Variants in GDAP1 observed in about 807,000 individuals in gnomAD.
The protein encoded by GDAP1 is ganglioside induced differentiation associated protein 1.
In GDAP1, 34 loss-of-function variants were observed where a neutral mutation model predicts 40.1. That is an observed-to-expected ratio of 0.85 (90% confidence interval 0.64 to 1.13). GDAP1 has a LOEUF of 1.13. Ranked by LOEUF, GDAP1 falls within the 50% of genes most tolerant of loss-of-function variation. GDAP1 has a pLI of 0.00. For synonymous variants in GDAP1, 170 were observed against 157.4 expected (o/e 1.08, Z -0.60); for missense variants, 374 against 433.7 (o/e 0.86, Z 1.22).
At chr8:74,483,066 C>G (rs953051833) in intron 2 of GDAP1, among the ~76,000 whole-genome samples, 2 of 152,076 alleles carry the variant, frequency 1.3e-5, no homozygotes, top group Admixed American at 1.3e-4. Context: ...AAACTCTGTT[C>G]TACTTTATGA....
At position 74,486,618 on chromosome 8, in the gene GDAP1, T is replaced by C. The variant is rs146336804; in HGVS notation, c.166-2060T>C. On this transcript the variant is annotated intron_variant, in intron 2 of 2. Transcript: ENST00000523640. ...GTTCTTCTTGAGGCTGAAGCACTGT[T>C]GGGAGTTATGAAGCACAGTGGCTTC... Among the ~76,000 whole-genome samples, 637 of 152,300 alleles carry C rather than the reference T, an allele frequency of 4.2e-3. 6 individuals are homozygous for C. The highest frequency in any genetic ancestry group is 0.015 in the African/African-American group (604 of 41,566).
chr8:74,458,861 C>CAGCTATGGTAG (rs113977487), intron 2 of GDAP1, among the ~76,000 whole-genome samples: 152,091 of 152,190 alleles, frequency 1, 75,996 homozygotes, highest in Middle Eastern at 1. Context: ...GCACACACAC[C>CAGCTATGGTAG]AGGTGGGGAT....
In GDAP1 at chr8:74,361,976, A is replaced by T. The variant is rs1085307665; in HGVS notation, c.577A>T (p.Lys193Ter). ...ATACATTGCAAAACAGAAACGACTT[A>T]AAGTAAGCCAATCAGCTGTCCTCAG... ...EAYIAKQKRL[K>*]SKLLDHDNVK... Residue 193 changes from lysine to a stop codon, truncating the protein, a stop_gained and splice_region_variant, in exon 4 of 6, where the codon AAA becomes TAA. Coordinates refer to ENST00000220822, the MANE Select transcript of GDAP1 (RefSeq NM_018972.4). LOFTEE classifies it high-confidence loss of function. 1.3e-6 allele frequency: 2 copies of T among 1,545,726 alleles called. No individual in the cohort carries two copies. Among genetic ancestry groups the T allele is most frequent in the Non-Finnish European group, 8.9e-7 (1 of 1,119,760 alleles).
chr8:74,415,561 G>A (rs1249843892), intron 2 of GDAP1, among the ~76,000 whole-genome samples: 6 of 150,218 alleles, frequency 4.0e-5, no homozygotes, highest in Non-Finnish European at 7.4e-5. Context: ...GTGTGAGTGG[G>A]GGATAAACTG....
intron 2 of GDAP1, among the ~76,000 whole-genome samples, chr8:74,438,876 A>G (rs1230739326): frequency 6.6e-6 from 1 of 152,234 alleles, no homozygotes; most frequent in Non-Finnish European, 1.5e-5. Context: ...TGTTAAGATT[A>G]CAGGCATGAG....
intron 2 of GDAP1, among the ~76,000 whole-genome samples, chr8:74,436,886 A>G (rs1033065430): frequency 1.3e-5 from 2 of 152,208 alleles, no homozygotes; most frequent in East Asian, 1.9e-4. Context: ...AAATTTTTCA[A>G]AAAGTAAAGG....
chr8:74,352,896 A>G (rs1380429022), intron 2 of GDAP1, among the ~76,000 whole-genome samples: 1 of 152,188 alleles, frequency 6.6e-6, no homozygotes, highest in African/African-American at 2.4e-5. Context: ...AAACTTTAAA[A>G]AGGTATTCTA....
At chr8:74,425,392 A>T (rs905740970) in intron 2 of GDAP1, among the ~76,000 whole-genome samples, 4 of 152,212 alleles carry the variant, frequency 2.6e-5, no homozygotes, top group African/African-American at 9.6e-5. Flanking sequence ...TTTAACCAGA[A>T]GTATTCTGTA....
At chr8:74,355,914 A>G (rs1389983743) in intron 2 of GDAP1, among the ~76,000 whole-genome samples, 1 of 152,146 alleles carries the variant, frequency 6.6e-6, no homozygotes, top group Non-Finnish European at 1.5e-5. Flanking sequence ...TTATTAGGAT[A>G]TCTAAATTTA....
At chr8:74,391,980 A>T (rs1586819433) in intron 2 of GDAP1, among the ~76,000 whole-genome samples, 1 of 152,162 alleles carries the variant, frequency 6.6e-6, no homozygotes, top group East Asian at 1.9e-4. Flanking sequence ...CACCATGCCC[A>T]GCAAATTTTT....
At chr8:74,377,778 C>G (rs1809881890) in intron 2 of GDAP1, among the ~76,000 whole-genome samples, 1 of 152,144 alleles carries the variant, frequency 6.6e-6, no homozygotes, top group Admixed American at 6.5e-5. Context: ...AGGTATTTAT[C>G]CCAAAGAAAT....
intron 2 of GDAP1, among the ~76,000 whole-genome samples, chr8:74,375,692 G>T (rs1459489003): frequency 1.3e-5 from 2 of 152,170 alleles, no homozygotes; most frequent in East Asian, 3.8e-4. Flanking sequence ...AATGGTGAAA[G>T]ACTGAAGTTT....
chr8:74,372,218 G>T (rs1042183368), intron 2 of GDAP1, among the ~76,000 whole-genome samples: 1 of 152,044 alleles, frequency 6.6e-6, no homozygotes, highest in Non-Finnish European at 1.5e-5. Flanking sequence ...GAATAGTGCC[G>T]CAATAAACAT....
intron 2 of GDAP1, among the ~76,000 whole-genome samples, chr8:74,358,057 AAG>A (rs1425173729): frequency 1.3e-5 from 2 of 152,202 alleles, no homozygotes; most frequent in African/African-American, 2.4e-5. Flanking sequence ...CGCACAAAGA[AAG>A]AGAGATGGGG....
At chr8:74,436,583 T>C (rs1806091526) in intron 2 of GDAP1, among the ~76,000 whole-genome samples, 1 of 151,910 alleles carries the variant, frequency 6.6e-6, no homozygotes, top group Non-Finnish European at 1.5e-5. Context: ...CCACCACAGC[T>C]GGCTAATTTT....
At chr8:74,416,808 G>A (rs1392766924) in intron 2 of GDAP1, among the ~76,000 whole-genome samples, 1 of 149,954 alleles carries the variant, frequency 6.7e-6, no homozygotes, top group African/African-American at 2.5e-5. Flanking sequence ...TGCTCCTAGG[G>A]GGAAGGGGAG....
At chr8:74,469,346 T>C (rs577554354) in intron 2 of GDAP1, among the ~76,000 whole-genome samples, 3 of 152,322 alleles carry the variant, frequency 2.0e-5, no homozygotes, top group African/African-American at 7.2e-5. Flanking sequence ...GATATTTATC[T>C]TTACAAATTT....
At chr8:74,473,211 A>G (rs1806582525) in intron 2 of GDAP1, among the ~76,000 whole-genome samples, 2 of 152,066 alleles carry the variant, frequency 1.3e-5, no homozygotes, top group Admixed American at 1.3e-4. Flanking sequence ...TGTCCGATGC[A>G]TAGTTTGCAA....
chr8:74,354,247 G>A (rs1402722178), intron 2 of GDAP1, among the ~76,000 whole-genome samples: 5 of 152,122 alleles, frequency 3.3e-5, no homozygotes, highest in Non-Finnish European at 7.4e-5. Context: ...AGTACCATGA[G>A]GTTGGGAATA....
Sources: gnomAD v4.1 joint callset for allele counts (sites outside exome capture counted in the v4.1 genomes callset) on GRCh38, gnomAD v4.1.1 for gene constraint, MANE v1.5 for transcripts, NCBI Gene and HGNC (gene_info 2026-07-23, HGNC 2026-07-21) for gene names.